The following PMP22 variants were observed in gnomAD, a reference collection of about 807,000 sequenced individuals.
The protein encoded by PMP22 is peripheral myelin protein 22.
A neutral mutation model predicts 18.9 loss-of-function variants in PMP22; 2 were observed. That is an observed-to-expected ratio of 0.11 (90% CI 0.04 to 0.33). The LOEUF (loss-of-function observed/expected upper bound fraction) is 0.33. PMP22 is among the 10% of genes least tolerant of loss of function. The probability of loss-of-function intolerance (pLI) is 1.00; values close to 1 mark genes in which losing one functional copy is unlikely to be tolerated. For missense variants in PMP22, 169 were observed against 202.2 expected, an observed-to-expected ratio of 0.84 and a Z score of 1.00; for synonymous variants, 95 against 89.2, an observed-to-expected ratio of 1.07 and a Z score of -0.37.
chr17:15,245,278 G>A (rs189374522), intron 3 of PMP22, among the ~76,000 whole-genome samples: 1 of 152,316 alleles, frequency 6.6e-6, no homozygotes, highest in East Asian at 1.9e-4. Flanking sequence ...GAATAGACAG[G>A]TAACAACCAG....
At chr17:15,253,456 G>A (rs1908540444) in intron 3 of PMP22, among the ~76,000 whole-genome samples, 1 of 152,102 alleles carries the variant, frequency 6.6e-6, no homozygotes, top group Non-Finnish European at 1.5e-5. Context: ...TTTCTACCTT[G>A]TACAATTTCT....
At chr17:15,245,767 G>A (rs1258248049) in intron 3 of PMP22, among the ~76,000 whole-genome samples, 3 of 151,968 alleles carry the variant, frequency 2.0e-5, no homozygotes, top group Non-Finnish European at 2.9e-5. Flanking sequence ...CAGCACTTGG[G>A]AGGCCCAGGA....
chr17:15,264,234 A>AGGTAGGTAGG (rs1567721998), intron 1 of PMP22, among the ~76,000 whole-genome samples: 2 of 42,704 alleles, frequency 4.7e-5, no homozygotes, highest in East Asian at 1.4e-3. Flanking sequence ...AGGTAGGTAG[A>AGGTAGGTAGG]TAGATAGATA....
At position 15,260,768 on chromosome 17, in the gene PMP22, G is replaced by C; in HGVS notation, c.-34-7C>G. The C allele has an allele frequency of 6.6e-7, 1 of 1,516,012 alleles. No individual in the cohort carries two copies. The highest frequency in any genetic ancestry group is 9.0e-7 in the Non-Finnish European group (1 of 1,114,872). The allele number at this position is 1,516,012 out of a possible 1,614,324, so 93.9% of individuals were successfully genotyped here. ...TGCTCAGCGGAGTTTCTGCCTGCGAGGAGAGCGCTGGGCGTGAGGCCGAAC... is the reference window on the plus strand; with the variant it reads ...TGCTCAGCGGAGTTTCTGCCTGCGACGAGAGCGCTGGGCGTGAGGCCGAAC... On this transcript the variant is annotated splice_region_variant and splice_polypyrimidine_tract_variant and intron_variant, in intron 1 of 4. Coordinates refer to ENST00000312280, the MANE Select transcript of PMP22 (RefSeq NM_000304.4).
At chr17:15,259,417 G>A (rs767277842) in intron 2 of PMP22, among the ~76,000 whole-genome samples, 1 of 152,098 alleles carries the variant, frequency 6.6e-6, no homozygotes, top group African/African-American at 2.4e-5. Context: ...GTTTACTATA[G>A]TAGAAGGAGC....
chr17:15,260,296 G>GAA (rs58225646), intron 2 of PMP22: 23 of 320,080 alleles, frequency 7.2e-5, no homozygotes, highest in East Asian at 4.2e-4. Context: ...ATGGTTTGGA[G>GAA]AAAAAAAAAT....
Position 15,230,856 on chromosome 17 carries a change from T to C in PMP22, c.*61A>G, listed in dbSNP as rs1906245493. The C allele has an allele frequency of 1.3e-6, 2 of 1,578,744 alleles. No individual in the cohort carries two copies. The highest frequency in any genetic ancestry group is 2.7e-5 in the African/African-American group (2 of 74,354). On this transcript the variant is annotated 3_prime_UTR_variant, in exon 5 of 5. Coordinates refer to ENST00000312280, the MANE Select transcript of PMP22 (RefSeq NM_000304.4). ...AGCTCTTTTTTCTTTGTCTGCTTTC[T>C]GTTTTCCCTTCCTCCCTTCCCTATG...
chr17:15,234,051 C>G (rs8078445), intron 4 of PMP22, among the ~76,000 whole-genome samples: 3,177 of 152,248 alleles, frequency 0.021, 92 homozygotes, highest in African/African-American at 0.069. Context: ...AGGGACAAGG[C>G]AGGTAGCTGG....
rs146845002 is a variant in PMP22, at chr17:15,261,773, C to T, written c.-34-1012G>A. On this transcript the variant is annotated intron_variant, in intron 1 of 4. Coordinates refer to ENST00000312280, the MANE Select transcript of PMP22 (RefSeq NM_000304.4). This position sits in a 1 kb window ranked among gnomAD's most constrained non-coding sequence, Gnocchi z 5.2. ...GGACATTTATCCCAAGTAATGCGGT[C>T]CTCGCCCCTCATTTTAAACTTTGGG... The T allele has an allele frequency of 6.6e-6, 1 of 152,360 alleles. No homozygotes were observed. The highest frequency in any genetic ancestry group is 2.4e-5 in the African/African-American group (1 of 41,580). 9.4% of individuals were successfully genotyped at this position (152,360 alleles called of 1,614,324 possible).
Position 15,239,624 on chromosome 17 carries a change from G to C in PMP22, c.179-13C>G, listed in dbSNP as rs756820859. The C allele has an allele frequency of 1.1e-5, 18 of 1,613,676 alleles. No individual in the cohort carries two copies. The East Asian group carries it at 2.9e-4, about 26-fold the overall frequency. On this transcript the variant is annotated splice_polypyrimidine_tract_variant and intron_variant, in intron 3 of 4. Transcript: ENST00000312280. ...GACTGCAGCCATTCTGGGGGAAAGAGACACTTGGTTAGGAGAGCTGGCCAT... is the reference window on the plus strand; with the variant it reads ...GACTGCAGCCATTCTGGGGGAAAGACACACTTGGTTAGGAGAGCTGGCCAT...
chr17:15,231,995 A>G (rs771388957), intron 4 of PMP22, among the ~76,000 whole-genome samples: 13 of 152,062 alleles, frequency 8.5e-5, no homozygotes, highest in Non-Finnish European at 1.8e-4. Context: ...TCAGCACCCC[A>G]GCCTGGAGCT....
intron 3 of PMP22, among the ~76,000 whole-genome samples, chr17:15,251,086 C>T (rs1908303577): frequency 6.6e-6 from 1 of 152,190 alleles, no homozygotes; most frequent in South Asian, 2.1e-4. Flanking sequence ...CCCTCTCTCC[C>T]GCATTCCCCA....
chr17:15,246,797 C>T lies in PMP22; in HGVS notation c.179-7186G>A, dbSNP rs150798811. Among the ~76,000 whole-genome samples, 35 of 152,270 alleles carry T rather than the reference C, an allele frequency of 2.3e-4. No homozygotes were observed. The East Asian group carries it at 6.4e-3, about 28-fold the overall frequency. On this transcript the variant is annotated intron_variant, in intron 3 of 4. Transcript: ENST00000312280. Reference sequence around the variant, plus strand: ...ATTAAAAACTAAAGCTCTGGCCGGGCGTGGTGGCTCATGCCTGTAATCCCA... The same window carrying T: ...ATTAAAAACTAAAGCTCTGGCCGGGTGTGGTGGCTCATGCCTGTAATCCCA...
At position 15,261,913 on chromosome 17, in the gene PMP22, A is replaced by T. The variant is rs1909374195; in HGVS notation, c.-34-1152T>A. ...TGGGCCAGGGAGACAACGTTTCAAT[A>T]ACCCAGTTTGGAAAGTACCCAATCC... On this transcript the variant is annotated intron_variant, in intron 1 of 4. Transcript: ENST00000312280. The surrounding 1 kb of genome is among the most constrained non-coding windows in gnomAD (Gnocchi z 5.2). 1 of 152,254 alleles carries T rather than the reference A, an allele frequency of 6.6e-6. No individual in the cohort carries two copies. The highest frequency in any genetic ancestry group is 2.1e-4 in the South Asian group (1 of 4,836). The allele number at this position is 152,254 out of a possible 1,614,324, so 9.4% of individuals were successfully genotyped here. A position where few individuals can be genotyped will look rare whatever the true frequency, so the allele number is the denominator to read the frequency against.
intron 1 of PMP22, chr17:15,262,624 C>A (rs1208618344): frequency 6.6e-6 from 1 of 152,468 alleles, no homozygotes; most frequent in Non-Finnish European, 1.5e-5. Context: ...AGGGTGTGTC[C>A]CTGGGTCAGC....
At chr17:15,244,540 T>C (rs971060114) in intron 3 of PMP22, among the ~76,000 whole-genome samples, 1 of 152,136 alleles carries the variant, frequency 6.6e-6, no homozygotes, top group African/African-American at 2.4e-5. Flanking sequence ...AGGACATTGA[T>C]TGTAGCATTT....
chr17:15,231,306 G>A (rs1906328447), intron 4 of PMP22, among the ~76,000 whole-genome samples: 1 of 152,178 alleles, frequency 6.6e-6, no homozygotes, highest in Admixed American at 6.5e-5. Context: ...CTTAATACCT[G>A]AGGGTTTTCT....
intron 1 of PMP22, among the ~76,000 whole-genome samples, chr17:15,263,763 T>A (rs1239375652): frequency 6.6e-6 from 1 of 152,210 alleles, no homozygotes; most frequent in Non-Finnish European, 1.5e-5. Flanking sequence ...CAAACAATGA[T>A]CTTTTTAAAA....
chr17:15,248,019 T>C (rs1014268037), intron 3 of PMP22, among the ~76,000 whole-genome samples: 5 of 152,218 alleles, frequency 3.3e-5, no homozygotes, highest in African/African-American at 1.2e-4. Flanking sequence ...AGTATGAATG[T>C]CATTCCAGAA....
Sources: allele counts gnomAD v4.1 joint callset (sites outside exome capture counted in the v4.1 genomes callset), GRCh38; gene constraint gnomAD v4.1.1; non-coding constraint Gnocchi (gnomAD v3.1); transcripts MANE v1.5; gene names NCBI Gene and HGNC (gene_info 2026-07-23, HGNC 2026-07-21).